Variants in GABRA6 observed in about 807,000 individuals in gnomAD.
GABRA6 encodes gamma-aminobutyric acid receptor subunit alpha-6.
A neutral mutation model predicts 47.3 loss-of-function variants in GABRA6; 45 were observed. The observed-to-expected ratio is 0.95, with a 90% CI of 0.75 to 1.22. GABRA6 has a LOEUF of 1.22. Among genes scored for constraint, GABRA6 ranks in the 50% most tolerant of loss-of-function variants. The pLI is 0.00. For missense variants in GABRA6, 583 were observed against 549.3 expected (o/e 1.06, Z -0.61); for synonymous variants, 219 against 194.7 (o/e 1.12, Z -1.04).
rs201411758 is a variant in GABRA6 at position 161,701,771 on chromosome 5, T to C, written c.1360T>C (p.Ter454GlnextTer7). The change falls in exon 9 of 9, where the codon TAG becomes CAG. Residue 454 changes from the stop codon to glutamine (Q), a stop_lost. Transcript: ENST00000274545. ...AATGGAAGTCAGTAGCAGTGTTGAA[T>C]AGCTTGCGGCCAGGACAACCTGAAT... ...DTMEVSSSVE[*>Q] 1 of 1,614,134 alleles carries C rather than the reference T, an allele frequency of 6.2e-7. No homozygotes were observed.
At position 161,689,318 on chromosome 5, in the gene GABRA6, C is replaced by A; in HGVS notation, c.511C>A (p.Pro171Thr). ...CTTTCCTATGGATGGGCATGCTTGT[C>A]CACTCAAGTTTGGGAGCTGTAAGTT... is the stretch of plus-strand genomic sequence containing the variant. ...VNFPMDGHAC[P>T]LKFGSYAYPK... The change falls in exon 5 of 9, where the codon CCA becomes ACA. Residue 171 changes from proline to threonine, a missense_variant. By Grantham distance (38) the Pro-to-Thr change is conservative. Transcript: ENST00000274545. 6.2e-7 allele frequency: 1 copy of A among 1,613,932 alleles called. No individual in the cohort carries two copies. The highest frequency in any genetic ancestry group is 8.5e-7 in the Non-Finnish European group (1 of 1,179,860).
At position 161,689,706 on chromosome 5, in the gene GABRA6, A is replaced by G. The variant is rs1240425873; in HGVS notation, c.600A>G (p.Glu200=). Residue 200 remains glutamate, a synonymous_variant, in exon 6 of 9, where the codon GAA becomes GAG. Transcript: ENST00000274545. ...KGPLYSVEVP[E]ESSSLLQYDL... ...CACTTTACTCAGTAGAAGTCCCAGA[A>G]GAATCTTCAAGCCTTCTCCAGTATG... 2 of 1,611,246 alleles carry G rather than the reference A, an allele frequency of 1.2e-6. No homozygotes were observed. Among genetic ancestry groups the G allele is most frequent in the South Asian group, 1.1e-5 (1 of 91,002 alleles).
In GABRA6 at chr5:161,689,672, A is replaced by G. The variant is rs746474290; in HGVS notation, c.566A>G (p.Lys189Arg). 6.2e-7 allele frequency: 1 copy of G among 1,610,858 alleles called. No individual in the cohort carries two copies. Among genetic ancestry groups the G allele is most frequent in the Non-Finnish European group, 8.5e-7 (1 of 1,177,096 alleles). The change falls in exon 6 of 9, where the codon AAA becomes AGA. Residue 189 changes from lysine to arginine, a missense_variant. Physicochemically the swap from Lys to Arg is conservative, Grantham distance 26. Transcript: ENST00000274545. ...AAAAGTGAAATCATATATACGTGGA[A>G]AAAAGGACCACTTTACTCAGTAGAA... ...YPKSEIIYTW[K>R]KGPLYSVEVP...
In GABRA6 at chr5:161,690,203, G is replaced by A; in HGVS notation, c.676G>A (p.Glu226Lys). ...SSETIKSNTG[E>K]YVIMTVYFHL... ...CTGATGTATGTGTCTTCCAACAGGTGAATACGTTATAATGACAGTTTACTT... is the reference window on the plus strand; with the variant it reads ...CTGATGTATGTGTCTTCCAACAGGTAAATACGTTATAATGACAGTTTACTT... The change falls in exon 7 of 9, where the codon GAA becomes AAA. Residue 226 changes from glutamate to lysine, a missense_variant and splice_region_variant. Coordinates refer to ENST00000274545, the MANE Select transcript of GABRA6 (RefSeq NM_000811.3). 6.2e-7 allele frequency: 1 copy of A among 1,613,478 alleles called. No individual in the cohort carries two copies. Among genetic ancestry groups the A allele is most frequent in the Non-Finnish European group, 8.5e-7 (1 of 1,179,554 alleles).
At chr5:161,695,765 G>C (rs1341671506) in intron 8 of GABRA6, among the ~76,000 whole-genome samples, 1 of 151,934 alleles carries the variant, frequency 6.6e-6, no homozygotes, top group East Asian at 1.9e-4. Flanking sequence ...TCATTAGTCA[G>C]GACAATTACT....
chr5:161,701,191 G>T (rs543646395), intron 8 of GABRA6, among the ~76,000 whole-genome samples: 17 of 152,168 alleles, frequency 1.1e-4, no homozygotes, highest in South Asian at 1.0e-3. Context: ...TCTGCAACCT[G>T]GCTCGTCTTT....
intron 8 of GABRA6, among the ~76,000 whole-genome samples, chr5:161,698,684 TAGAGCC>T (rs1455203068): frequency 6.6e-6 from 1 of 151,984 alleles, no homozygotes; most frequent in African/African-American, 2.4e-5. Context: ...GAGAGAGAAT[TAGAGCC>T]TATAGCACCT....
rs754808779 is a variant in GABRA6 at position 161,689,050 on chromosome 5, T to G, written c.327T>G (p.Ser109Arg). The change falls in exon 4 of 9, where the codon AGT (serine) becomes AGG (arginine). Residue 109 changes from serine (S) to arginine (R), a missense_variant. By Grantham distance (110) the Ser-to-Arg change is moderately radical. Coordinates refer to ENST00000274545, the MANE Select transcript of GABRA6 (RefSeq NM_000811.3). ...EILSLNNLMV[S>R]KIWTPDTFFR... is the part of the protein sequence containing the mutation. ...TGAGTCTGAATAATTTGATGGTCAGTAAAATCTGGACGCCTGACACCTTTT... is the reference window on the plus strand; with the variant it reads ...TGAGTCTGAATAATTTGATGGTCAGGAAAATCTGGACGCCTGACACCTTTT... 1 of 1,613,902 alleles carries G rather than the reference T, an allele frequency of 6.2e-7. No individual in the cohort carries two copies. Among genetic ancestry groups the G allele is most frequent in the Non-Finnish European group, 8.5e-7 (1 of 1,179,952 alleles).
rs3811993 is a variant in GABRA6, at chr5:161,689,666, C to T, written c.560C>T (p.Thr187Met). The T allele has an allele frequency of 0.014, 21,905 of 1,608,520 alleles. 278 individuals are homozygous for T. Among genetic ancestry groups the T allele is most frequent in the South Asian group, 0.047 (4,283 of 90,914 alleles). ...TATCCCAAAAGTGAAATCATATATA[C>T]GTGGAAAAAAGGACCACTTTACTCA... ...YAYPKSEIIY[T>M]WKKGPLYSVE... The change falls in exon 6 of 9, where the codon ACG becomes ATG. Residue 187 changes from threonine to methionine, a missense_variant. By Grantham distance (81) the Thr-to-Met change is moderately conservative (BLOSUM62 -1). Transcript: ENST00000274545.
chr5:161,685,977 A>T lies in GABRA6; in HGVS notation c.-13A>T. On this transcript the variant is annotated 5_prime_UTR_variant, in exon 1 of 9. Coordinates refer to ENST00000274545, the MANE Select transcript of GABRA6 (RefSeq NM_000811.3). ...CCTAGGAGGGTGAATTCTGCATTTC[A>T]GTGCACTGCAGGATGGCGTCGTCTC... is the stretch of plus-strand genomic sequence containing the variant. 1 of 1,613,044 alleles carries T rather than the reference A, an allele frequency of 6.2e-7. No individual in the cohort carries two copies. The highest frequency in any genetic ancestry group is 1.7e-5 in the Admixed American group (1 of 60,000).
chr5:161,686,398 G>T, intron 2 of GABRA6, 50 bp downstream of exon 2: 3 of 1,414,142 alleles, frequency 2.1e-6, no homozygotes, highest in South Asian at 1.2e-5. Context: ...TCCTTCCTCC[G>T]TTTCTGCCCT....
intron 8 of GABRA6, among the ~76,000 whole-genome samples, chr5:161,698,094 G>T (rs1754916558): frequency 6.6e-6 from 1 of 152,198 alleles, no homozygotes; most frequent in East Asian, 1.9e-4. Flanking sequence ...CTTGGGAAAT[G>T]TTTAGATTTT....
At position 161,690,360 on chromosome 5, in the gene GABRA6, G is replaced by T; in HGVS notation, c.826+7G>T. The T allele has an allele frequency of 6.2e-7, 1 of 1,611,958 alleles. No individual in the cohort carries two copies. Among genetic ancestry groups the T allele is most frequent in the African/African-American group, 1.3e-5 (1 of 75,006 alleles). ...CCAGCAAGAACTGTTTTTGGTATAT[G>T]TCACATTTTGTACTTCACGTACATT... On this transcript the variant is annotated splice_region_variant and intron_variant, in intron 7 of 8. Coordinates refer to ENST00000274545, the MANE Select transcript of GABRA6 (RefSeq NM_000811.3).
At chr5:161,690,984 G>A (rs1754778127) in intron 7 of GABRA6, among the ~76,000 whole-genome samples, 1 of 151,940 alleles carries the variant, frequency 6.6e-6, no homozygotes, top group Admixed American at 6.5e-5. Flanking sequence ...AATTTACTAA[G>A]TTAAAATAGA....
rs781169686 is a variant in GABRA6 at position 161,692,034 on chromosome 5, T to C, written c.920T>C (p.Ile307Thr). 6 of 1,614,200 alleles carry C rather than the reference T, an allele frequency of 3.7e-6. No homozygotes were observed. The highest frequency in any genetic ancestry group is 5.1e-6 in the Non-Finnish European group (6 of 1,180,026). Residue 307 changes from isoleucine (I) to threonine (T), a missense_variant, in exon 8 of 9, where the codon ATA becomes ACA. Coordinates refer to ENST00000274545, the MANE Select transcript of GABRA6 (RefSeq NM_000811.3). Reference sequence around the variant, plus strand: ...TATGCCACTGCCATGGATTGGTTCATAGCTGTTTGCTTTGCATTCGTCTTC... The same window carrying C: ...TATGCCACTGCCATGGATTGGTTCACAGCTGTTTGCTTTGCATTCGTCTTC... The part of the protein sequence containing the change: ...VSYATAMDWF[I>T]AVCFAFVFSA...
intron 8 of GABRA6, among the ~76,000 whole-genome samples, chr5:161,696,325 C>T (rs1384836943): frequency 6.6e-6 from 1 of 151,488 alleles, no homozygotes; most frequent in Non-Finnish European, 1.5e-5. Context: ...GAAAGGTTTA[C>T]CTTGCCTACT....
chr5:161,686,627 G>A (rs1052785417), intron 2 of GABRA6, among the ~76,000 whole-genome samples: 1 of 152,192 alleles, frequency 6.6e-6, no homozygotes, highest in African/African-American at 2.4e-5. Context: ...GATTATTCAT[G>A]TAAAACAGTT....
Position 161,689,641 on chromosome 5 carries a change from T to C in GABRA6, c.535T>C (p.Tyr179His). The change falls in exon 6 of 9, where the codon TAT (tyrosine) becomes CAT (histidine). Residue 179 changes from tyrosine (Y) to histidine (H), a missense_variant. Physicochemically the swap from Tyr to His is moderately conservative, Grantham distance 83 (BLOSUM62 2). Coordinates refer to ENST00000274545, the MANE Select transcript of GABRA6 (RefSeq NM_000811.3). Reference sequence around the variant, plus strand: ...AATTTGTTTCAAATATTTAGATGCTTATCCCAAAAGTGAAATCATATATAC... The same window carrying C: ...AATTTGTTTCAAATATTTAGATGCTCATCCCAAAAGTGAAATCATATATAC... ...ACPLKFGSYAYPKSEIIYTWK... is the reference protein window; with the variant it reads ...ACPLKFGSYAHPKSEIIYTWK... 3.7e-6 allele frequency: 6 copies of C among 1,608,544 alleles called. No homozygotes were observed. Among genetic ancestry groups the C allele is most frequent in the Non-Finnish European group, 5.1e-6 (6 of 1,175,296 alleles).
chr5:161,689,503 T>C, intron 5 of GABRA6, 133 bp from the exon 6 acceptor site: 2 of 1,059,816 alleles, frequency 1.9e-6, no homozygotes, highest in South Asian at 1.4e-5. Context: ...GAGGCTTTAG[T>C]CACCAAGATT....
Sources: gnomAD v4.1 joint callset for allele counts (sites outside exome capture counted in the v4.1 genomes callset) on GRCh38, gnomAD v4.1.1 for gene constraint, MANE v1.5 for transcripts, NCBI Gene and HGNC (gene_info 2026-07-23, HGNC 2026-07-21) for gene names.